LDLRAD3: variants seen among roughly 807,000 people sequenced by gnomAD.
The protein encoded by LDLRAD3 is low-density lipoprotein receptor class A domain-containing protein 3.
Under a neutral mutation model 29.4 loss-of-function variants are expected in LDLRAD3, and 20 were observed. The ratio of observed to expected loss-of-function variants is 0.68; its 90% CI spans 0.48 to 0.99. The LOEUF (loss-of-function observed/expected upper bound fraction) is 0.99. Ranked by LOEUF, LDLRAD3 falls within the 50% of genes least tolerant of loss-of-function variation. The pLI, the probability that LDLRAD3 is intolerant of heterozygous loss-of-function variation, is 0.00. For missense variants in LDLRAD3, 420 were observed against 454.3 expected, an observed-to-expected ratio of 0.92 and a Z score of 0.69; for synonymous variants, 157 against 192.7, an observed-to-expected ratio of 0.81 and a Z score of 1.53.
chr11:36,166,537 A>G (rs929676075), intron 4 of LDLRAD3, among the ~76,000 whole-genome samples: 2 of 152,120 alleles, frequency 1.3e-5, no homozygotes, highest in African/African-American at 2.4e-5. Flanking sequence ...ATATTTATTT[A>G]TTTTCCACTA....
At chr11:36,185,791 A>G (rs1039423842) in intron 4 of LDLRAD3, among the ~76,000 whole-genome samples, 5 of 152,066 alleles carry the variant, frequency 3.3e-5, no homozygotes, top group Admixed American at 2.0e-4. Context: ...TTATCAGCCA[A>G]CTCCTCAGAG....
chr11:36,085,816 G>C (rs1311318348), intron 3 of LDLRAD3, among the ~76,000 whole-genome samples: 1 of 151,754 alleles, frequency 6.6e-6, no homozygotes, highest in East Asian at 1.9e-4. Flanking sequence ...GGTGGGTTTT[G>C]ATATGTTGCC....
At chr11:35,978,429 G>C (rs560879170) in intron 1 of LDLRAD3, among the ~76,000 whole-genome samples, 8 of 152,280 alleles carry the variant, frequency 5.3e-5, no homozygotes, top group African/African-American at 1.9e-4. Context: ...TGTGTAACAC[G>C]ACCCAGTACG....
At chr11:36,170,234 GTGTA>G (rs767969548) in intron 4 of LDLRAD3, among the ~76,000 whole-genome samples, 1 of 149,696 alleles carries the variant, frequency 6.7e-6, no homozygotes, top group Admixed American at 6.7e-5. Flanking sequence ...ATTCCATGGT[GTGTA>G]TGTGTGTGTA....
chr11:36,025,576 A>G (rs1852154400), intron 1 of LDLRAD3, among the ~76,000 whole-genome samples: 1 of 151,732 alleles, frequency 6.6e-6, no homozygotes, highest in Admixed American at 6.6e-5. Context: ...TTTTTAGTAG[A>G]GACGGGGTTT....
At chr11:35,961,931 A>G (rs1356951890) in intron 1 of LDLRAD3, among the ~76,000 whole-genome samples, 1 of 152,134 alleles carries the variant, frequency 6.6e-6, no homozygotes, top group Non-Finnish European at 1.5e-5. Context: ...TTTAAAATGT[A>G]CAATGAGGAT....
intron 4 of LDLRAD3, chr11:36,196,894 C>T (rs1328526023): frequency 6.6e-6 from 1 of 152,178 alleles, no homozygotes; most frequent in African/African-American, 2.4e-5. Flanking sequence ...CCTATCCATT[C>T]TCTAGGACCT....
chr11:36,101,655 G>T (rs1256738499), intron 4 of LDLRAD3, among the ~76,000 whole-genome samples: 1 of 152,054 alleles, frequency 6.6e-6, no homozygotes, highest in Non-Finnish European at 1.5e-5. Context: ...ACATCTCCCT[G>T]CCCTGAGTGA....
At chr11:36,064,527 C>T (rs1852760186) in intron 2 of LDLRAD3, among the ~76,000 whole-genome samples, 1 of 147,140 alleles carries the variant, frequency 6.8e-6, no homozygotes, top group South Asian at 2.2e-4. Context: ...GCCATGTTGC[C>T]CAGGCTGGTC....
intron 2 of LDLRAD3, among the ~76,000 whole-genome samples, chr11:36,077,413 G>A (rs1361078624): frequency 6.6e-6 from 1 of 152,178 alleles, no homozygotes; most frequent in Non-Finnish European, 1.5e-5. Flanking sequence ...TTTTGCTCTG[G>A]CCTGCTGGGC....
chr11:36,225,770 T>A (rs528518147), intron 4 of LDLRAD3, among the ~76,000 whole-genome samples: 1 of 151,452 alleles, frequency 6.6e-6, no homozygotes, highest in African/African-American at 2.4e-5. Flanking sequence ...CAGAGAGATG[T>A]GATATAAAGC....
chr11:36,121,114 A>G (rs1853749398), intron 4 of LDLRAD3, among the ~76,000 whole-genome samples: 2 of 152,210 alleles, frequency 1.3e-5, no homozygotes, highest in Non-Finnish European at 2.9e-5. Context: ...CCAGGGCATC[A>G]TAGACACTCA....
chr11:36,128,875 A>G (rs1853883623), intron 4 of LDLRAD3, among the ~76,000 whole-genome samples: 1 of 151,416 alleles, frequency 6.6e-6, no homozygotes, highest in Non-Finnish European at 1.5e-5. Context: ...AAGAGAGAAA[A>G]GAAAAATCAC....
At chr11:35,945,911 T>C (rs925754125) in intron 1 of LDLRAD3, among the ~76,000 whole-genome samples, 6 of 152,166 alleles carry the variant, frequency 3.9e-5, no homozygotes, top group African/African-American at 1.4e-4. Context: ...AATAAAATGG[T>C]CATAGCAAGG....
At chr11:35,995,739 A>T (rs1388311803) in intron 1 of LDLRAD3, among the ~76,000 whole-genome samples, 1 of 152,260 alleles carries the variant, frequency 6.6e-6, no homozygotes, top group African/African-American at 2.4e-5. Flanking sequence ...GATCTTTTGG[A>T]TAACTTGCTG....
chr11:36,123,050 G>A (rs1853782575), intron 4 of LDLRAD3, among the ~76,000 whole-genome samples: 1 of 152,054 alleles, frequency 6.6e-6, no homozygotes, highest in Non-Finnish European at 1.5e-5. Context: ...AGCCAGACAT[G>A]ATGGCACATG....
intron 1 of LDLRAD3, among the ~76,000 whole-genome samples, chr11:35,946,272 CAA>C (rs1019909763): frequency 5.1e-4 from 77 of 152,272 alleles, no homozygotes; most frequent in African/African-American, 1.7e-3. Flanking sequence ...GTTGATAAAA[CAA>C]GAGAGATTGT....
intron 4 of LDLRAD3, among the ~76,000 whole-genome samples, chr11:36,185,166 T>C (rs1348490549): frequency 6.6e-6 from 1 of 152,174 alleles, no homozygotes; most frequent in Non-Finnish European, 1.5e-5. Flanking sequence ...CAGCCCATGA[T>C]GTTGGAGAGA....
intron 3 of LDLRAD3, among the ~76,000 whole-genome samples, chr11:36,086,306 T>A (rs1484913692): frequency 6.6e-6 from 1 of 152,218 alleles, no homozygotes; most frequent in Non-Finnish European, 1.5e-5. Flanking sequence ...GTTCTTAATA[T>A]GACAAGAAAT....
Sources: allele counts gnomAD v4.1 joint callset (sites outside exome capture counted in the v4.1 genomes callset), GRCh38; gene constraint gnomAD v4.1.1; transcripts MANE v1.5; gene names NCBI Gene and HGNC (gene_info 2026-07-23, HGNC 2026-07-21).